Variants in PRMT8 observed in about 807,000 individuals in gnomAD.
PRMT8 encodes protein arginine N-methyltransferase 8.
A neutral mutation model predicts 47.1 loss-of-function variants in PRMT8; 7 were observed. The observed-to-expected ratio is 0.15, with a 90% CI of 0.08 to 0.28. The LOEUF is 0.28. PRMT8 is among the 10% of genes least tolerant of loss of function. The probability of loss-of-function intolerance (pLI) is 1.00; values close to 1 mark genes in which losing one functional copy is unlikely to be tolerated. For missense variants in PRMT8, 237 were observed against 505.4 expected (o/e 0.47, Z 5.09); for synonymous variants, 188 against 186.5 (o/e 1.01, Z -0.07).
intron 7 of PRMT8, among the ~76,000 whole-genome samples, chr12:3,577,846 G>A (rs1038523855): frequency 2.6e-5 from 4 of 152,086 alleles, no homozygotes; most frequent in African/African-American, 7.2e-5. Flanking sequence ...GCTGCTCAGC[G>A]TCTTTGCCAC....
intron 4 of PRMT8, among the ~76,000 whole-genome samples, chr12:3,559,527 G>A (rs1866594211): frequency 6.6e-6 from 1 of 152,192 alleles, no homozygotes. Flanking sequence ...GAGCTCACAT[G>A]ATACTTCAGT....
At chr12:3,406,445 C>A (rs867097560) in intron 1 of PRMT8, among the ~76,000 whole-genome samples, 1 of 152,164 alleles carries the variant, frequency 6.6e-6, no homozygotes, top group African/African-American at 2.4e-5. Context: ...ATTGATTTTT[C>A]TTTTTTATTG....
intron 1 of PRMT8, among the ~76,000 whole-genome samples, chr12:3,467,399 C>T (rs1428579349): frequency 2.0e-5 from 3 of 152,160 alleles, no homozygotes; most frequent in Non-Finnish European, 4.4e-5. Context: ...GAAGAGACTT[C>T]TTGCTTCTGG....
chr12:3,388,738 C>T lies in PRMT8; in HGVS notation c.48+7296C>T, dbSNP rs58563021. Among the ~76,000 whole-genome samples the T allele has an allele frequency of 0.014, 2,057 of 150,748 alleles. 114 individuals are homozygous for T. In the East Asian group the frequency reaches 0.2, roughly 15 times the overall value. On this transcript the variant is annotated intron_variant, in intron 1 of 9. Transcript: ENST00000452611. ...GGCTGTCTCTAAAGCCTGTGCTCTA[C>T]CTACTACACTGCACTAGCTGAAAGT...
chr12:3,399,269 C>A (rs1864294242), intron 1 of PRMT8, among the ~76,000 whole-genome samples: 1 of 152,134 alleles, frequency 6.6e-6, no homozygotes, highest in South Asian at 2.1e-4. Context: ...AGATGAGCAA[C>A]CCTTTTACCA....
chr12:3,560,979 G>A (rs1320264412), intron 4 of PRMT8, among the ~76,000 whole-genome samples: 1 of 152,328 alleles, frequency 6.6e-6, no homozygotes, highest in East Asian at 1.9e-4. Flanking sequence ...CATTTCAGGT[G>A]TAAGGTTCTG....
At chr12:3,482,338 C>T (rs1865282806) in intron 1 of PRMT8, among the ~76,000 whole-genome samples, 1 of 152,244 alleles carries the variant, frequency 6.6e-6, no homozygotes, top group Non-Finnish European at 1.5e-5. Flanking sequence ...TCTCCTCCTC[C>T]TTCCTCCACC....
chr12:3,558,866 C>T (rs1866573663), intron 4 of PRMT8, among the ~76,000 whole-genome samples: 1 of 152,132 alleles, frequency 6.6e-6, no homozygotes. Context: ...GCTCTTTTCC[C>T]TTTGTAATTA....
Position 3,569,614 on chromosome 12 carries a change from G to GCCTCCCACCCCAATT in PRMT8, c.712+50_712+51insCCTCCCACCCCAATT. 1 of 1,494,082 alleles carries GCCTCCCACCCCAATT rather than the reference G, an allele frequency of 6.7e-7. No individual in the cohort carries two copies. Among genetic ancestry groups the GCCTCCCACCCCAATT allele is most frequent in the Non-Finnish European group, 9.3e-7 (1 of 1,070,798 alleles). 92.6% of individuals were successfully genotyped at this position (1,494,082 alleles called of 1,614,324 possible). ...TGGACTTCCACTGCACAATTGGGGT[G>GCCTCCCACCCCAATT]GGAGGCACTCCAGTGGGCCCGAGAT... On this transcript the variant is annotated intron_variant, in intron 6 of 9. Transcript: ENST00000382622. This position sits in a 1 kb window ranked among gnomAD's most constrained non-coding sequence, Gnocchi z 8.2.
chr12:3,421,632 T>C (rs796365521), intron 1 of PRMT8, among the ~76,000 whole-genome samples: 3 of 152,354 alleles, frequency 2.0e-5, no homozygotes, highest in Admixed American at 6.5e-5. Context: ...GAGCCTGATA[T>C]GTGTCCCTGG....
chr12:3,381,380 T>C (rs9804924), exon 1 of PRMT8: 320,286 of 1,534,986 alleles, frequency 0.21, 35,880 homozygotes, highest in Middle Eastern at 0.28. Flanking sequence ...GCTGTTTGAA[T>C]GTGTGCCAGG....
In PRMT8 at chr12:3,573,035, A is replaced by C. The variant is rs573764258; in HGVS notation, c.712+3471A>C. Among the ~76,000 whole-genome samples the C allele has an allele frequency of 1.2e-4, 18 of 152,260 alleles. No homozygotes were observed. In the East Asian group the frequency reaches 3.5e-3, roughly 29 times the overall value. On this transcript the variant is annotated intron_variant, in intron 6 of 9. Transcript: ENST00000382622. ...GGAACTGTGGATGGATTGTTTCGTT[A>C]GTTTAGAAAAATTTCAGCCAGTATC... is the stretch of plus-strand genomic sequence containing the variant.
rs77557942 is a variant in PRMT8 at position 3,491,220 on chromosome 12, G to T, written c.-406G>T. ...AGCGTGTTGCTTCGCCCAGCGGATC[G>T]GCAGAAGTTGAGAGGAGTTGGCGGC... On this transcript the variant is annotated 5_prime_UTR_variant, in exon 1 of 10. Coordinates refer to ENST00000382622, the MANE Select transcript of PRMT8 (RefSeq NM_019854.5). The T allele has an allele frequency of 3.3e-4, 329 of 1,000,622 alleles. No homozygotes were observed. The African/African-American group carries it at 5.2e-3, about 16-fold the overall frequency. 62.0% of individuals were successfully genotyped at this position (1,000,622 alleles called of 1,614,324 possible). A position where few individuals can be genotyped will look rare whatever the true frequency, so the allele number is the denominator to read the frequency against.
intron 4 of PRMT8, among the ~76,000 whole-genome samples, chr12:3,554,673 G>A (rs1866492834): frequency 6.6e-6 from 1 of 152,146 alleles, no homozygotes. Flanking sequence ...AGGGGTCTGG[G>A]GCAGGGGGAA....
chr12:3,524,493 T>C (rs1314561048), intron 1 of PRMT8, among the ~76,000 whole-genome samples: 1 of 151,932 alleles, frequency 6.6e-6, no homozygotes, highest in Non-Finnish European at 1.5e-5. Flanking sequence ...TAGTCTAAGA[T>C]GAGTTTACTA....
At chr12:3,491,747 C>T (rs751480939) in intron 1 of PRMT8, 47 bp downstream of exon 1, 1 of 1,563,600 alleles carries the variant, frequency 6.4e-7, no homozygotes, top group South Asian at 1.2e-5. Flanking sequence ...CGCCGCCCAC[C>T]CGGACCACCG....
intron 4 of PRMT8, among the ~76,000 whole-genome samples, chr12:3,555,865 A>AGGTGAAGTACTCATGGGGGTGG (rs1866519334): frequency 1.8e-5 from 1 of 54,164 alleles, no homozygotes. Context: ...GGTGGATGGG[A>AGGTGAAGTACTCATGGGGGTGG]CCTGAGGATG....
intron 1 of PRMT8, among the ~76,000 whole-genome samples, chr12:3,462,138 G>A (rs1865049050): frequency 6.6e-6 from 1 of 151,972 alleles, no homozygotes; most frequent in South Asian, 2.1e-4. Flanking sequence ...GTGAGAACTT[G>A]CGGTATTTGG....
At chr12:3,443,143 A>G (rs1864821033) in intron 1 of PRMT8, among the ~76,000 whole-genome samples, 2 of 152,114 alleles carry the variant, frequency 1.3e-5, no homozygotes, top group African/African-American at 4.8e-5. Flanking sequence ...AGACAACGCT[A>G]TTGTCTACTG....
Sources: gnomAD v4.1 joint callset for allele counts (sites outside exome capture counted in the v4.1 genomes callset) on GRCh38, gnomAD v4.1.1 for gene constraint, Gnocchi (gnomAD v3.1) non-coding constraint, MANE v1.5 for transcripts, NCBI Gene and HGNC (gene_info 2026-07-23, HGNC 2026-07-21) for gene names.